The following TMEM185A variants were observed in gnomAD, a reference collection of about 807,000 sequenced individuals.
TMEM185A encodes transmembrane protein 185A.
In TMEM185A, 9 loss-of-function variants were observed where a neutral mutation model predicts 25.0. That is an observed-to-expected ratio of 0.36 (90% CI 0.22 to 0.63). The LOEUF is 0.63. TMEM185A is among the 20% of genes least tolerant of loss of function. TMEM185A has a pLI of 0.68. For missense variants in TMEM185A, 103 were observed against 237.4 expected (o/e 0.43, Z 3.72); for synonymous variants, 45 against 93.5 (o/e 0.48, Z 2.99).
chrX:149,615,283 T>C (rs987965296), intron 1 of TMEM185A, among the ~76,000 whole-genome samples: 10 of 111,810 alleles, frequency 8.9e-5, no homozygotes, highest in Non-Finnish European at 1.5e-4. Flanking sequence ...TTGCTACCCA[T>C]TCAAGTTAAA....
chrX:149,623,594 A>C (rs1283222293), intron 1 of TMEM185A, among the ~76,000 whole-genome samples: 1 of 109,250 alleles, frequency 9.2e-6, no homozygotes, highest in Non-Finnish European at 1.9e-5. Context: ...GTTCATTTAA[A>C]ATGTTTAAGT....
At chrX:149,603,313 G>T (rs1449150254) in intron 4 of TMEM185A, among the ~76,000 whole-genome samples, 22 of 107,386 alleles carry the variant, frequency 2.0e-4, no homozygotes, top group Middle Eastern at 4.8e-3. Context: ...TTTCTTTTGA[G>T]ACAGGGTCTT....
At chrX:149,602,818 A>C (rs1296391726) in intron 4 of TMEM185A, among the ~76,000 whole-genome samples, 1 of 112,318 alleles carries the variant, frequency 8.9e-6, no homozygotes, top group Non-Finnish European at 1.9e-5. Context: ...TTGTAGGATG[A>C]GTGACTGAAT....
In TMEM185A at chrX:149,631,627, C is replaced by G. The variant is rs1450588818; in HGVS notation, c.-47G>C. 9.0e-6 allele frequency: 10 copies of G among 1,109,344 alleles called. No individual in the cohort carries two copies. Among genetic ancestry groups the G allele is most frequent in the Non-Finnish European group, 1.2e-5 (10 of 833,283 alleles). 91.4% of individuals were successfully genotyped at this position (1,109,344 alleles called of 1,213,427 possible). A position where few individuals can be genotyped will look rare whatever the true frequency, so the allele number is the denominator to read the frequency against. On this transcript the variant is annotated 5_prime_UTR_variant, in exon 1 of 7. Transcript: ENST00000600449. ...GTCCTCCTCCTCCTCCCCCGCACCC[C>G]GTGCTGCACAGCCTGCGCCTTACAG...
At chrX:149,609,453 AAAG>A (rs1193426833) in intron 2 of TMEM185A, among the ~76,000 whole-genome samples, 1 of 112,934 alleles carries the variant, frequency 8.9e-6, no homozygotes, top group African/African-American at 3.2e-5. Flanking sequence ...CATGAAAGAG[AAAG>A]AAGAACAAGA....
intron 1 of TMEM185A, among the ~76,000 whole-genome samples, chrX:149,615,853 A>T (rs1336181136): frequency 3.6e-5 from 4 of 112,449 alleles, no homozygotes; most frequent in African/African-American, 1.3e-4. Context: ...AAACACTGGT[A>T]GGACTGTGGG....
rs2090081711 is a variant in TMEM185A, at chrX:149,611,269, T to G, written c.215+18A>C. ...TCCCTCATGCTAGAGACCAATGGGT[T>G]GTATAAAGCAGTATTACCGATATTG... On this transcript the variant is annotated intron_variant, in intron 2 of 6. Transcript: ENST00000600449. The G allele has an allele frequency of 8.4e-7, 1 of 1,192,608 alleles. No homozygotes were observed. Among genetic ancestry groups the G allele is most frequent in the Non-Finnish European group, 1.1e-6 (1 of 886,346 alleles).
At chrX:149,631,430 C>T in intron 1 of TMEM185A, 113 bp downstream of exon 1, 2 of 931,041 alleles carry the variant, frequency 2.1e-6, no homozygotes, top group East Asian at 4.2e-5. Flanking sequence ...CGGGCAGGCG[C>T]CCGGGTCCTC....
intron 1 of TMEM185A, among the ~76,000 whole-genome samples, chrX:149,630,545 G>A (rs1484163265): frequency 8.9e-6 from 1 of 112,002 alleles, no homozygotes; most frequent in Non-Finnish European, 1.9e-5. Flanking sequence ...TACTCCTTTC[G>A]GAGAGTAGTG....
chrX:149,602,492 C>G (rs782597346), intron 4 of TMEM185A, among the ~76,000 whole-genome samples: 1 of 112,530 alleles, frequency 8.9e-6, no homozygotes, highest in Non-Finnish European at 1.9e-5. Flanking sequence ...GTTCCCCATT[C>G]TGTGATGAGA....
intron 1 of TMEM185A, among the ~76,000 whole-genome samples, chrX:149,626,856 T>A (rs927839129): frequency 8.9e-6 from 1 of 112,313 alleles, no homozygotes; most frequent in Non-Finnish European, 1.9e-5. Context: ...TGTTTCTCTT[T>A]ACCCAAACAA....
intron 3 of TMEM185A, chrX:149,605,055 G>A (rs1024944230): frequency 8.9e-6 from 1 of 112,167 alleles, no homozygotes; most frequent in African/African-American, 3.2e-5. Context: ...GCTGCACCCT[G>A]GACTGGGGGA....
chrX:149,622,520 C>A (rs1019216385), intron 1 of TMEM185A, among the ~76,000 whole-genome samples: 1 of 111,767 alleles, frequency 8.9e-6, no homozygotes, highest in African/African-American at 3.3e-5. Flanking sequence ...AAGATAATTA[C>A]GTAGCAGAAC....
chrX:149,620,495 C>CT (rs1569561060), intron 1 of TMEM185A, among the ~76,000 whole-genome samples: 119 of 110,729 alleles, frequency 1.1e-3, no homozygotes, highest in African/African-American at 3.6e-3. Context: ...GTGAAGCTGG[C>CT]ATTTTTTTTT....
At chrX:149,631,290 G>T (rs782651180) in intron 1 of TMEM185A, among the ~76,000 whole-genome samples, 1 of 110,630 alleles carries the variant, frequency 9.0e-6, no homozygotes, top group Non-Finnish European at 1.9e-5. Flanking sequence ...GGGGCAGGAC[G>T]GGGCTCGCGG....
chrX:149,606,872 T>C (rs2090054626), intron 3 of TMEM185A: 1 of 112,528 alleles, frequency 8.9e-6, no homozygotes, highest in African/African-American at 3.2e-5. Context: ...GTCCTAGTCC[T>C]TGTATAGTTG....
intron 1 of TMEM185A, among the ~76,000 whole-genome samples, chrX:149,627,005 GAGC>G (rs2090166741): frequency 8.9e-6 from 1 of 111,978 alleles, no homozygotes; most frequent in East Asian, 2.8e-4. Context: ...TCCCAGGGAT[GAGC>G]AGGAGACAGA....
chrX:149,604,147 A>G lies in TMEM185A; in HGVS notation c.424-77T>C. On this transcript the variant is annotated intron_variant, in intron 3 of 6. Coordinates refer to ENST00000600449, the MANE Select transcript of TMEM185A (RefSeq NM_032508.4). ...CTGCAGTAATTTGGTTAACACACTA[A>G]AAGACAATACACATTATAATACAGT... 6.1e-6 allele frequency: 4 copies of G among 660,473 alleles called. No homozygotes were observed. The South Asian group carries it at 7.7e-5, about 13-fold the overall frequency. 54.4% of individuals were successfully genotyped at this position (660,473 alleles called of 1,213,427 possible).
At chrX:149,611,491 G>C in intron 1 of TMEM185A, 28 bp from the exon 2 acceptor site, 2 of 1,157,153 alleles carry the variant, frequency 1.7e-6, no homozygotes, top group Non-Finnish European at 2.3e-6. Context: ...CGATTAAGAA[G>C]GATTCACTTT....
Sources: allele counts gnomAD v4.1 joint callset (sites outside exome capture counted in the v4.1 genomes callset), GRCh38; gene constraint gnomAD v4.1.1; transcripts MANE v1.5; gene names NCBI Gene and HGNC (gene_info 2026-07-23, HGNC 2026-07-21).